Variants in CSMD1 observed in about 807,000 individuals in gnomAD.
CSMD1 encodes the protein CUB and sushi domain-containing protein 1.
A neutral mutation model predicts 417.5 loss-of-function variants in CSMD1; 213 were observed. The observed-to-expected ratio is 0.51, with a 90% CI of 0.46 to 0.57. The LOEUF (loss-of-function observed/expected upper bound fraction) is 0.57, where lower values mean the gene tolerates loss of function less well. Ranked by LOEUF, CSMD1 falls within the 20% of genes least tolerant of loss-of-function variation. The pLI is 0.00. For synonymous variants in CSMD1, 2,862 were observed against 1,736.8 expected (o/e 1.65, Z -16.11); for missense variants, 6,923 against 4,529.7 (o/e 1.53, Z -15.17).
intron 2 of CSMD1, among the ~76,000 whole-genome samples, chr8:4,427,594 G>C (rs547751575): frequency 6.6e-6 from 1 of 152,154 alleles, no homozygotes; most frequent in Non-Finnish European, 1.5e-5. Flanking sequence ...CATTTGGAGA[G>C]AGACTCGAAG....
intron 9 of CSMD1, among the ~76,000 whole-genome samples, chr8:3,577,718 G>A (rs1257291945): frequency 6.6e-6 from 1 of 152,198 alleles, no homozygotes; most frequent in East Asian, 1.9e-4. Context: ...TTGAAAGCTT[G>A]TGCTACTTTC....
intron 11 of CSMD1, among the ~76,000 whole-genome samples, chr8:3,477,655 G>C (rs1234940335): frequency 6.6e-6 from 1 of 152,190 alleles, no homozygotes; most frequent in Admixed American, 6.5e-5. Context: ...GCCAGGGGCA[G>C]AGGAAGAAGT....
chr8:4,441,095 G>GTTTTTTTTTTTTTGTTTT (rs1798445297), intron 2 of CSMD1, among the ~76,000 whole-genome samples: 1 of 51,296 alleles, frequency 1.9e-5, no homozygotes, highest in South Asian at 1.1e-3. Context: ...TAATCAAAAG[G>GTTTTTTTTTTTTTGTTTT]TTTTTTTTTT....
chr8:3,613,737 A>C (rs67907831), intron 8 of CSMD1, among the ~76,000 whole-genome samples: 2,145 of 144,400 alleles, frequency 0.015, 56 homozygotes, highest in African/African-American at 0.053. Context: ...ACACACACAC[A>C]CCTCAAAAAA....
In CSMD1 at chr8:3,803,339, TAGACA is replaced by T. The variant is rs937428718; in HGVS notation, c.819-49302_819-49298del. ...ATACTGCTATACACAAATACTTCAA[TAGACA>T]AGACAAGACAAGACTTGAATGGTAA... On this transcript the variant is annotated intron_variant, in intron 5 of 69. Coordinates refer to ENST00000635120, the MANE Select transcript of CSMD1 (RefSeq NM_033225.6). Among the ~76,000 whole-genome samples, 14 of 152,022 alleles carry T rather than the reference TAGACA, an allele frequency of 9.2e-5. 1 individual carries two copies. The highest frequency in any genetic ancestry group is 3.1e-4 in the African/African-American group (13 of 41,390).
At chr8:3,973,760 C>T (rs1346287695) in intron 5 of CSMD1, among the ~76,000 whole-genome samples, 1 of 152,162 alleles carries the variant, frequency 6.6e-6, no homozygotes, top group African/African-American at 2.4e-5. Context: ...GCAAACCAAC[C>T]AGTGTTTCAT....
chr8:4,766,195 G>C (rs1009981548), intron 1 of CSMD1, among the ~76,000 whole-genome samples: 2 of 152,098 alleles, frequency 1.3e-5, no homozygotes, highest in African/African-American at 4.8e-5. Flanking sequence ...AACATATGTT[G>C]CCTACTAACA....
chr8:3,547,073 TAGAC>T lies in CSMD1; in HGVS notation c.1344+27868_1344+27871del, dbSNP rs143862941. Reference sequence around the variant, plus strand: ...CTGCTGTTTAGCTGGAGACCTGACTTAGACAGCAGGACCAATAACGTGGGCTACA... The same window carrying T: ...CTGCTGTTTAGCTGGAGACCTGACTTAGCAGGACCAATAACGTGGGCTACA... On this transcript the variant is annotated intron_variant, in intron 10 of 69. Coordinates refer to ENST00000635120, the MANE Select transcript of CSMD1 (RefSeq NM_033225.6). Among the ~76,000 whole-genome samples, 457 of 152,276 alleles carry T rather than the reference TAGAC, an allele frequency of 3.0e-3. 1 individual carries two copies. The highest frequency in any genetic ancestry group is 0.01 in the African/African-American group (425 of 41,564).
intron 5 of CSMD1, among the ~76,000 whole-genome samples, chr8:3,784,477 T>A (rs919880597): frequency 3.3e-5 from 5 of 152,206 alleles, no homozygotes; most frequent in African/African-American, 1.2e-4. Flanking sequence ...TAAGGTGAAC[T>A]TCTAGGGATG....
At chr8:3,230,718 C>T (rs753140794) in intron 26 of CSMD1, among the ~76,000 whole-genome samples, 61 of 152,056 alleles carry the variant, frequency 4.0e-4, no homozygotes, top group Non-Finnish European at 7.8e-4. Flanking sequence ...GAGGAGATGA[C>T]CAGTGAGTTA....
chr8:4,381,315 A>G (rs1230625703), intron 3 of CSMD1, among the ~76,000 whole-genome samples: 3 of 152,160 alleles, frequency 2.0e-5, no homozygotes, highest in Non-Finnish European at 1.5e-5. Flanking sequence ...GGGGAATTGC[A>G]CTGGCTATTC....
intron 1 of CSMD1, among the ~76,000 whole-genome samples, chr8:4,713,815 C>T (rs1808469157): frequency 6.6e-6 from 1 of 152,134 alleles, no homozygotes; most frequent in East Asian, 1.9e-4. Context: ...TTCTAATCTG[C>T]ATGCTTTCTT....
intron 3 of CSMD1, among the ~76,000 whole-genome samples, chr8:4,331,462 C>A (rs1039225998): frequency 4.6e-5 from 7 of 152,116 alleles, no homozygotes; most frequent in African/African-American, 1.7e-4. Flanking sequence ...GAGAGCCTTG[C>A]CAGCCTTCTT....
chr8:4,915,114 C>T (rs1048359845), intron 1 of CSMD1, among the ~76,000 whole-genome samples: 7 of 152,084 alleles, frequency 4.6e-5, no homozygotes, highest in Non-Finnish European at 1.0e-4. Flanking sequence ...TCAAGTGTTA[C>T]CAACTGTGGT....
chr8:3,485,197 T>G (rs1817955606), intron 11 of CSMD1, among the ~76,000 whole-genome samples: 1 of 152,182 alleles, frequency 6.6e-6, no homozygotes, highest in South Asian at 2.1e-4. Context: ...CTGTGGAACA[T>G]TCATACCTTG....
chr8:3,240,905 G>T (rs1329980591), intron 26 of CSMD1, among the ~76,000 whole-genome samples: 1 of 152,008 alleles, frequency 6.6e-6, no homozygotes, highest in Non-Finnish European at 1.5e-5. Flanking sequence ...TCATGCTGTA[G>T]CAGGCAAGTG....
chr8:4,190,214 G>A (rs138629802), intron 3 of CSMD1, among the ~76,000 whole-genome samples: 4 of 140,950 alleles, frequency 2.8e-5, no homozygotes, highest in African/African-American at 1.1e-4. Context: ...AGCTGAGATC[G>A]AGTCACTGCC....
At chr8:4,532,179 C>G (rs912781242) in intron 2 of CSMD1, among the ~76,000 whole-genome samples, 1 of 149,312 alleles carries the variant, frequency 6.7e-6, no homozygotes, top group Non-Finnish European at 1.5e-5. Flanking sequence ...AATCCTGCAC[C>G]TCCATTCAGT....
At chr8:4,991,230 A>G (rs766181449) in intron 1 of CSMD1, among the ~76,000 whole-genome samples, 1 of 152,216 alleles carries the variant, frequency 6.6e-6, no homozygotes, top group African/African-American at 2.4e-5. Context: ...GAAAATGCTT[A>G]CAGCCTTACT....
Sources: allele counts gnomAD v4.1 joint callset (sites outside exome capture counted in the v4.1 genomes callset), GRCh38; gene constraint gnomAD v4.1.1; transcripts MANE v1.5; gene names NCBI Gene and HGNC (gene_info 2026-07-23, HGNC 2026-07-21).